The following DAB1 variants were observed in gnomAD, a reference collection of about 807,000 sequenced individuals.
DAB1 encodes disabled homolog 1.
In DAB1, 15 loss-of-function variants were observed where a neutral mutation model predicts 64.6. That is an observed-to-expected ratio of 0.23 (90% CI 0.16 to 0.36). The LOEUF is 0.36. DAB1 is among the 10% of genes least tolerant of loss of function. The pLI is 1.00. For synonymous variants in DAB1, 235 were observed against 251.9 expected (o/e 0.93, Z 0.64); for missense variants, 596 against 706.7 (o/e 0.84, Z 1.78).
At chr1:57,510,935 C>T (rs556889812) in intron 7 of DAB1, among the ~76,000 whole-genome samples, 1 of 152,274 alleles carries the variant, frequency 6.6e-6, no homozygotes, top group East Asian at 1.9e-4. Context: ...TGAGCCACCG[C>T]TCCTAGCTCC....
intron 4 of DAB1, among the ~76,000 whole-genome samples, chr1:58,164,805 T>TC (rs2100755340): frequency 6.6e-6 from 1 of 152,188 alleles, no homozygotes; most frequent in African/African-American, 2.4e-5. Context: ...AATGCAAGAA[T>TC]CCCCTCCACT....
chr1:57,871,664 T>C (rs1451869709), intron 1 of DAB1, among the ~76,000 whole-genome samples: 1 of 152,190 alleles, frequency 6.6e-6, no homozygotes, highest in Non-Finnish European at 1.5e-5. Flanking sequence ...TCTAGGTTTG[T>C]CAACAGCTTC....
At chr1:58,319,175 G>T (rs1184691591) in intron 4 of DAB1, among the ~76,000 whole-genome samples, 2 of 152,142 alleles carry the variant, frequency 1.3e-5, no homozygotes, top group East Asian at 3.9e-4. Flanking sequence ...ACTTTGCTTA[G>T]ATGTCATCTA....
chr1:57,792,339 T>C (rs1650640876), intron 6 of DAB1, among the ~76,000 whole-genome samples: 3 of 152,374 alleles, frequency 2.0e-5, no homozygotes, highest in Middle Eastern at 3.4e-3. Flanking sequence ...GCCCACCATA[T>C]TTATTGCCAG....
chr1:58,496,549 T>C (rs1030901194), intron 3 of DAB1, among the ~76,000 whole-genome samples: 5 of 152,182 alleles, frequency 3.3e-5, no homozygotes, highest in Non-Finnish European at 5.9e-5. Context: ...TGGGGAACAA[T>C]GAGCATTTCA....
At chr1:57,795,869 G>A (rs1055467022) in intron 6 of DAB1, among the ~76,000 whole-genome samples, 1 of 150,996 alleles carries the variant, frequency 6.6e-6, no homozygotes, top group African/African-American at 2.4e-5. Flanking sequence ...CAGTTTTTTA[G>A]TCAGTATAGT....
intron 6 of DAB1, among the ~76,000 whole-genome samples, chr1:57,766,613 G>T (rs1649322231): frequency 6.6e-6 from 1 of 152,020 alleles, no homozygotes; most frequent in South Asian, 2.1e-4. Flanking sequence ...AACACTTCTG[G>T]CACCAAATGT....
intron 7 of DAB1, among the ~76,000 whole-genome samples, chr1:57,469,285 G>A (rs1687061288): frequency 6.6e-6 from 1 of 152,166 alleles, no homozygotes; most frequent in Non-Finnish European, 1.5e-5. Flanking sequence ...TAGGTAAGCG[G>A]TTCACACACC....
At chr1:57,736,443 A>G (rs188194596) in intron 6 of DAB1, among the ~76,000 whole-genome samples, 169 of 152,360 alleles carry the variant, frequency 1.1e-3, no homozygotes, top group Non-Finnish European at 2.0e-3. Context: ...AAATCGCAGC[A>G]TATGAGAGGA....
intron 7 of DAB1, among the ~76,000 whole-genome samples, chr1:57,502,397 G>A (rs79088860): frequency 0.016 from 2,363 of 151,820 alleles, 40 homozygotes; most frequent in Non-Finnish European, 0.022. Context: ...TTTAATCTTG[G>A]CAAAAGAGTT....
rs116284393 is a variant in DAB1, at chr1:58,024,660, C to G, written n.387+125851G>C. 3.1e-3 allele frequency among the ~76,000 whole-genome samples: 476 copies of G among 152,276 alleles called. 5 individuals carry two copies. Among genetic ancestry groups the G allele is most frequent in the African/African-American group, 0.011 (457 of 41,552 alleles). On this transcript the variant is annotated intron_variant and non_coding_transcript_variant, in intron 5 of 20. Coordinates refer to the DAB1 transcript ENST00000485760. ...TTAATTTTATGTGTCAACTTGGCCA[C>G]AAGGTGCCCAAACATTTGGTCAAAC...
chr1:57,807,613 T>C (rs1343913036), intron 6 of DAB1, among the ~76,000 whole-genome samples: 1 of 152,232 alleles, frequency 6.6e-6, no homozygotes. Context: ...GTCCTACAAA[T>C]GCATAATTGA....
At chr1:57,328,265 C>T (rs1676346841) in intron 1 of DAB1, among the ~76,000 whole-genome samples, 1 of 152,182 alleles carries the variant, frequency 6.6e-6, no homozygotes, top group African/African-American at 2.4e-5. Context: ...AGCGGCAGAT[C>T]TTGAGTCCAA....
At chr1:57,670,576 G>T (rs149603449) in intron 6 of DAB1, among the ~76,000 whole-genome samples, 1 of 152,190 alleles carries the variant, frequency 6.6e-6, no homozygotes, top group Non-Finnish European at 1.5e-5. Flanking sequence ...TTCAGGCAAA[G>T]AAAATGGATA....
intron 1 of DAB1, among the ~76,000 whole-genome samples, chr1:57,363,753 C>T (rs560009223): frequency 6.6e-6 from 1 of 152,178 alleles, no homozygotes; most frequent in African/African-American, 2.4e-5. Flanking sequence ...ATACAGGGAA[C>T]CAAGGGCTGG....
intron 6 of DAB1, among the ~76,000 whole-genome samples, chr1:57,694,446 G>C (rs112199641): frequency 0.014 from 2,067 of 152,076 alleles, 42 homozygotes; most frequent in African/African-American, 0.048. Context: ...AATCCTCACT[G>C]GTCACGGCAG....
chr1:58,274,846 G>A lies in DAB1; in HGVS notation n.309+68506C>T, dbSNP rs372871216. ...CCTCGCGCTTCCCAGGTGAGGCAAT[G>A]CCTCGCCCTGCTTCGGCTCGCGCAC... On this transcript the variant is annotated intron_variant and non_coding_transcript_variant, in intron 4 of 20. Coordinates refer to the DAB1 transcript ENST00000485760. Among the ~76,000 whole-genome samples the A allele has an allele frequency of 1.5e-3, 232 of 152,208 alleles. 4 individuals are homozygous for A. In the East Asian group the frequency reaches 0.042, roughly 28 times the overall value.
intron 4 of DAB1, among the ~76,000 whole-genome samples, chr1:58,224,848 C>T (rs1345491409): frequency 1.3e-5 from 2 of 151,702 alleles, no homozygotes; most frequent in Non-Finnish European, 2.9e-5. Flanking sequence ...GACCTAAAAC[C>T]ATAAAAACCC....
chr1:57,028,764 A>G (rs374762271), intron 9 of DAB1, among the ~76,000 whole-genome samples: 17 of 152,296 alleles, frequency 1.1e-4, no homozygotes, highest in African/African-American at 3.8e-4. Flanking sequence ...GACTTGTGGA[A>G]CTTTGAATTT....
Sources: gnomAD v4.1 joint callset for allele counts (sites outside exome capture counted in the v4.1 genomes callset) on GRCh38, gnomAD v4.1.1 for gene constraint, MANE v1.5 for transcripts, NCBI Gene and HGNC (gene_info 2026-07-23, HGNC 2026-07-21) for gene names.